MAMDC2: variants seen among roughly 807,000 people sequenced by gnomAD.
The protein encoded by MAMDC2 is MAM domain containing 2.
A neutral mutation model predicts 89.8 loss-of-function variants in MAMDC2; 57 were observed. The ratio of observed to expected loss-of-function variants is 0.63; its 90% CI spans 0.51 to 0.79. MAMDC2 has a LOEUF of 0.79. MAMDC2 is among the 30% of genes least tolerant of loss of function. MAMDC2 has a pLI of 0.00. For synonymous variants in MAMDC2, 313 were observed against 293.4 expected (o/e 1.07, Z -0.68); for missense variants, 800 against 820.6 (o/e 0.97, Z 0.31).
rs184020345 is a variant in MAMDC2, at chr9:70,207,792, T to G, written c.1652-10545T>G. Among the ~76,000 whole-genome samples the G allele has an allele frequency of 5.3e-3, 800 of 152,344 alleles. 8 individuals carry two copies. Among genetic ancestry groups the G allele is most frequent in the African/African-American group, 0.019 (774 of 41,568 alleles). On this transcript the variant is annotated intron_variant, in intron 11 of 13. Coordinates refer to ENST00000377182, the MANE Select transcript of MAMDC2 (RefSeq NM_153267.5). ...CTAACATTTAAGTTTTTAATCCATCTTGAATTAATTTTTGTATAAGGTGTA... is the reference window on the plus strand; with the variant it reads ...CTAACATTTAAGTTTTTAATCCATCGTGAATTAATTTTTGTATAAGGTGTA...
At chr9:70,215,805 TTA>T (rs2033435192) in intron 11 of MAMDC2, among the ~76,000 whole-genome samples, 2 of 152,330 alleles carry the variant, frequency 1.3e-5, no homozygotes, top group Admixed American at 6.5e-5. Context: ...GGTGAGAACT[TTA>T]TAGAGTAAAA....
chr9:70,114,317 C>T (rs1411699831), intron 5 of MAMDC2, among the ~76,000 whole-genome samples: 5 of 148,412 alleles, frequency 3.4e-5, no homozygotes, highest in Admixed American at 2.7e-4. Context: ...TTACTTGGCT[C>T]CAATGAGTTG....
chr9:70,190,035 AT>A (rs1242253056), intron 11 of MAMDC2, among the ~76,000 whole-genome samples: 4 of 152,220 alleles, frequency 2.6e-5, no homozygotes, highest in Admixed American at 2.6e-4. Flanking sequence ...CTTTAAACAT[AT>A]TTGTAATAGT....
At chr9:70,108,822 G>C (rs1009691039) in intron 3 of MAMDC2, among the ~76,000 whole-genome samples, 1 of 152,106 alleles carries the variant, frequency 6.6e-6, no homozygotes, top group Non-Finnish European at 1.5e-5. Context: ...TAAATTGTGT[G>C]TGCTATGTGT....
intron 9 of MAMDC2, among the ~76,000 whole-genome samples, chr9:70,152,201 A>G (rs570280929): frequency 2.0e-5 from 3 of 152,294 alleles, no homozygotes; most frequent in African/African-American, 7.2e-5. Context: ...TTTAAGGACA[A>G]TGGGCTGCTT....
At chr9:70,103,156 C>T (rs1464147582) in intron 2 of MAMDC2, among the ~76,000 whole-genome samples, 1 of 152,086 alleles carries the variant, frequency 6.6e-6, no homozygotes, top group Non-Finnish European at 1.5e-5. Context: ...AGGCTTATAA[C>T]ATTCAGGAGC....
intron 2 of MAMDC2, among the ~76,000 whole-genome samples, chr9:70,080,088 G>A (rs1371078998): frequency 6.6e-6 from 1 of 152,066 alleles, no homozygotes. Flanking sequence ...TACACTATTG[G>A]TTATTTTAAA....
intron 9 of MAMDC2, among the ~76,000 whole-genome samples, chr9:70,156,263 C>T (rs754779249): frequency 3.9e-5 from 6 of 152,106 alleles, no homozygotes; most frequent in Non-Finnish European, 7.4e-5. Context: ...TATGCCCTTA[C>T]AGAATGACAA....
At chr9:70,072,213 G>A (rs1827424981) in intron 2 of MAMDC2, among the ~76,000 whole-genome samples, 1 of 152,150 alleles carries the variant, frequency 6.6e-6, no homozygotes, top group African/African-American at 2.4e-5. Context: ...CTGATGTAAA[G>A]TACAATGTAT....
At chr9:70,078,993 A>G (rs551363269) in intron 2 of MAMDC2, among the ~76,000 whole-genome samples, 4 of 152,210 alleles carry the variant, frequency 2.6e-5, no homozygotes, top group South Asian at 4.1e-4. Context: ...ACCAGCTCCA[A>G]TTGATCTTTA....
chr9:70,113,671 A>G (rs1366768681), intron 5 of MAMDC2: 5 of 154,888 alleles, frequency 3.2e-5, no homozygotes, highest in African/African-American at 1.2e-4. Flanking sequence ...GTTACCAGCG[A>G]GAAGTCAGCT....
intron 2 of MAMDC2, among the ~76,000 whole-genome samples, chr9:70,100,665 G>A (rs1441056975): frequency 6.6e-6 from 1 of 152,170 alleles, no homozygotes; most frequent in East Asian, 1.9e-4. Flanking sequence ...AGAACCAGAG[G>A]AGCTTAGCTG....
rs952126171 is a variant in MAMDC2 at position 70,161,506 on chromosome 9, G to A, written c.1405-7196G>A. Among the ~76,000 whole-genome samples, 20 of 152,244 alleles carry A rather than the reference G, an allele frequency of 1.3e-4. 1 individual carries two copies. Among genetic ancestry groups the A allele is most frequent in the South Asian group, 4.1e-4 (2 of 4,834 alleles). ...CATTCTGCCTTTTGTGGGAGATGAA[G>A]ACCAAATATAGTATCTGCAGCAGGC... On this transcript the variant is annotated intron_variant, in intron 9 of 13. Coordinates refer to ENST00000377182, the MANE Select transcript of MAMDC2 (RefSeq NM_153267.5).
At chr9:70,161,692 T>A (rs980361282) in intron 9 of MAMDC2, among the ~76,000 whole-genome samples, 10 of 152,370 alleles carry the variant, frequency 6.6e-5, no homozygotes, top group Admixed American at 3.3e-4. Flanking sequence ...TGAAATTTTT[T>A]AAAAACTCTA....
intron 2 of MAMDC2, among the ~76,000 whole-genome samples, chr9:70,058,885 C>T (rs1205639847): frequency 1.3e-5 from 2 of 152,112 alleles, no homozygotes; most frequent in Non-Finnish European, 2.9e-5. Context: ...TTAGAAATGG[C>T]ACAGTGCCCT....
chr9:70,124,187 C>T (rs1224278214), intron 5 of MAMDC2, among the ~76,000 whole-genome samples: 2 of 152,090 alleles, frequency 1.3e-5, no homozygotes, highest in Non-Finnish European at 2.9e-5. Flanking sequence ...CGGTTATTGC[C>T]GCATAAGAAT....
At chr9:70,125,666 G>A (rs2030499534) in intron 5 of MAMDC2, among the ~76,000 whole-genome samples, 1 of 152,166 alleles carries the variant, frequency 6.6e-6, no homozygotes, top group African/African-American at 2.4e-5. Context: ...AAAACACATG[G>A]TGACATCTTG....
chr9:70,122,784 G>A (rs2030344218), intron 5 of MAMDC2, among the ~76,000 whole-genome samples: 2 of 151,786 alleles, frequency 1.3e-5, no homozygotes, highest in Non-Finnish European at 2.9e-5. Flanking sequence ...TTTTTATGGA[G>A]GAATGAGCCC....
chr9:70,199,803 G>A (rs1307903541), intron 11 of MAMDC2, among the ~76,000 whole-genome samples: 1 of 147,360 alleles, frequency 6.8e-6, no homozygotes, highest in African/African-American at 2.5e-5. Context: ...GAGGGCCAGT[G>A]ATGATGAGCA....
Sources: gnomAD v4.1 joint callset for allele counts (sites outside exome capture counted in the v4.1 genomes callset) on GRCh38, gnomAD v4.1.1 for gene constraint, MANE v1.5 for transcripts, NCBI Gene and HGNC (gene_info 2026-07-23, HGNC 2026-07-21) for gene names.